CNTNAP4: variants seen among roughly 807,000 people sequenced by gnomAD.
The protein encoded by CNTNAP4 is contactin-associated protein-like 4.
CNTNAP4 carries 98 observed loss-of-function variants against 148.4 expected under a neutral mutation model. That is an observed-to-expected ratio of 0.66 (90% CI 0.56 to 0.78). The LOEUF (loss-of-function observed/expected upper bound fraction) is 0.78. Ranked by LOEUF, CNTNAP4 falls within the 30% of genes least tolerant of loss-of-function variation. The probability of loss-of-function intolerance (pLI) is 0.00; values close to 1 mark genes in which losing one functional copy is unlikely to be tolerated. For synonymous variants in CNTNAP4, 730 were observed against 565.1 expected, an observed-to-expected ratio of 1.29 and a Z score of -4.14; for missense variants, 1,935 against 1,565.6, an observed-to-expected ratio of 1.24 and a Z score of -3.98.
intron 3 of CNTNAP4, among the ~76,000 whole-genome samples, chr16:76,383,999 T>G (rs1319813411): frequency 2.0e-5 from 3 of 152,138 alleles, no homozygotes. Context: ...TCTCAGTTTT[T>G]TGTTTTGTTT....
intron 12 of CNTNAP4, among the ~76,000 whole-genome samples, chr16:76,483,409 G>A (rs1408920952): frequency 1.3e-5 from 2 of 152,080 alleles, no homozygotes; most frequent in South Asian, 4.1e-4. Flanking sequence ...GGTCACAACG[G>A]TCTCATTCAC....
At chr16:76,489,031 CATG>C (rs551529674) in intron 12 of CNTNAP4, among the ~76,000 whole-genome samples, 36 of 152,206 alleles carry the variant, frequency 2.4e-4, no homozygotes, top group African/African-American at 8.2e-4. Context: ...GTCCAGATCA[CATG>C]ATATCAAAAT....
At chr16:76,434,046 GCACA>G (rs1196485609) in intron 4 of CNTNAP4, among the ~76,000 whole-genome samples, 1 of 149,628 alleles carries the variant, frequency 6.7e-6, no homozygotes, top group African/African-American at 2.4e-5. Flanking sequence ...GTATATATAT[GCACA>G]CACACATATA....
rs1485302858 is a variant in CNTNAP4, at chr16:76,560,528, C to A, written c.*1845C>A. ...AAGCTGAGTGCAAACATCATTATAT[C>A]TCTGAATCTTTTGCAGATGTTCATG... On this transcript the variant is annotated 3_prime_UTR_variant, in exon 24 of 24. Coordinates refer to ENST00000611870, the MANE Select transcript of CNTNAP4 (RefSeq NM_033401.5). 6.6e-6 allele frequency among the ~76,000 whole-genome samples: 1 copy of A among 152,126 alleles called. No homozygotes were observed. The highest frequency in any genetic ancestry group is 1.5e-5 in the Non-Finnish European group (1 of 68,014).
At chr16:76,365,940 A>G (rs1597332355) in intron 3 of CNTNAP4, among the ~76,000 whole-genome samples, 1 of 152,208 alleles carries the variant, frequency 6.6e-6, no homozygotes, top group African/African-American at 2.4e-5. Flanking sequence ...ACTAGATTAG[A>G]TTGGAAGTTG....
At chr16:76,368,167 C>T (rs1309606990) in intron 3 of CNTNAP4, among the ~76,000 whole-genome samples, 1 of 152,106 alleles carries the variant, frequency 6.6e-6, no homozygotes, top group African/African-American at 2.4e-5. Flanking sequence ...TTCTCCTGCA[C>T]ATTCTTTGAG....
At chr16:76,359,750 C>A (rs562720817) in intron 3 of CNTNAP4, among the ~76,000 whole-genome samples, 1 of 152,162 alleles carries the variant, frequency 6.6e-6, no homozygotes, top group African/African-American at 2.4e-5. Context: ...GCTAAACTTT[C>A]TCCTCTCAGA....
At position 76,449,874 on chromosome 16, in the gene CNTNAP4, C is replaced by T. The variant is rs781391130; in HGVS notation, c.1071+16C>T. ...CATTGCTATGGTGAGAGTCTTTATG[C>T]GAAGACATTAGTAAAACTATATTTC... On this transcript the variant is annotated intron_variant, in intron 7 of 23. Coordinates refer to ENST00000611870, the MANE Select transcript of CNTNAP4 (RefSeq NM_033401.5). The T allele has an allele frequency of 5.7e-6, 9 of 1,582,856 alleles. No individual in the cohort carries two copies. The highest frequency in any genetic ancestry group is 1.4e-5 in the African/African-American group (1 of 73,568).
intron 3 of CNTNAP4, among the ~76,000 whole-genome samples, chr16:76,410,554 A>G (rs1053189357): frequency 6.6e-6 from 1 of 151,712 alleles, no homozygotes; most frequent in African/African-American, 2.4e-5. Flanking sequence ...CCAGTCTAAA[A>G]CAGTGTCCGC....
chr16:76,416,486 A>G (rs2078988167), intron 3 of CNTNAP4, among the ~76,000 whole-genome samples: 1 of 149,408 alleles, frequency 6.7e-6, no homozygotes, highest in Admixed American at 6.8e-5. Context: ...TAAACATTCT[A>G]GATAATTTCA....
chr16:76,546,729 C>A (rs1464804629), intron 21 of CNTNAP4, among the ~76,000 whole-genome samples: 3 of 152,114 alleles, frequency 2.0e-5, no homozygotes, highest in African/African-American at 7.2e-5. Flanking sequence ...GAAACTGGTC[C>A]CTGGTGCCAA....
intron 15 of CNTNAP4, among the ~76,000 whole-genome samples, chr16:76,501,133 TA>T (rs2082624361): frequency 6.6e-6 from 1 of 152,234 alleles, no homozygotes; most frequent in African/African-American, 2.4e-5. Flanking sequence ...CTCTGATATG[TA>T]TCACCTCTAC....
rs1273542131 is a variant in CNTNAP4, at chr16:76,559,210, A to G, written c.*527A>G. 2 of 152,160 alleles carry G rather than the reference A, an allele frequency of 1.3e-5. No individual in the cohort carries two copies. Among genetic ancestry groups the G allele is most frequent in the Non-Finnish European group, 2.9e-5 (2 of 68,034 alleles). 9.4% of individuals were successfully genotyped at this position (152,160 alleles called of 1,614,324 possible). A position where few individuals can be genotyped will look rare whatever the true frequency, so the allele number is the denominator to read the frequency against. On this transcript the variant is annotated 3_prime_UTR_variant, in exon 24 of 24. Transcript: ENST00000611870. The stretch of plus-strand genomic sequence containing the variant: ...TTTGCCTTTCTCTGTATTATATTCA[A>G]TACAATACATCAATAGTCTTGAAAA...
chr16:76,516,960 A>C (rs1315546191), intron 15 of CNTNAP4, among the ~76,000 whole-genome samples: 1 of 152,210 alleles, frequency 6.6e-6, no homozygotes, highest in African/African-American at 2.4e-5. Flanking sequence ...GCTACTCAGG[A>C]GGCTGAGGCA....
intron 15 of CNTNAP4, among the ~76,000 whole-genome samples, chr16:76,502,798 CTT>C (rs1008216813): frequency 1.4e-5 from 2 of 145,332 alleles, no homozygotes; most frequent in African/African-American, 2.5e-5. Flanking sequence ...GAGATTAACA[CTT>C]TTTTTTTTTA....
intron 8 of CNTNAP4, among the ~76,000 whole-genome samples, chr16:76,454,363 G>A (rs1175176201): frequency 2.0e-5 from 3 of 152,034 alleles, no homozygotes; most frequent in Non-Finnish European, 4.4e-5. Context: ...TTACAAGCAT[G>A]TATAGTTAAT....
Position 76,451,610 on chromosome 16 carries a change from T to G in CNTNAP4, c.1072-898T>G, listed in dbSNP as rs567703100. 1.1e-4 allele frequency among the ~76,000 whole-genome samples: 17 copies of G among 151,046 alleles called. No individual in the cohort carries two copies. In the South Asian group the frequency reaches 3.4e-3, roughly 30 times the overall value. On this transcript the variant is annotated intron_variant, in intron 7 of 23. Transcript: ENST00000611870. Reference sequence around the variant, plus strand: ...AATATTTTAGATAGATGTGTGTGTGTGTGTGTGTGTGTGTGTGTGTGTGTA... The same window carrying G: ...AATATTTTAGATAGATGTGTGTGTGGGTGTGTGTGTGTGTGTGTGTGTGTA...
chr16:76,299,982 C>A (rs1033119494), intron 1 of CNTNAP4, among the ~76,000 whole-genome samples: 3 of 151,798 alleles, frequency 2.0e-5, no homozygotes, highest in Non-Finnish European at 4.4e-5. Context: ...ACATTGCACA[C>A]TGGGGCCTGT....
intron 2 of CNTNAP4, among the ~76,000 whole-genome samples, chr16:76,346,812 A>T (rs966928274): frequency 6.6e-6 from 1 of 152,186 alleles, no homozygotes; most frequent in Non-Finnish European, 1.5e-5. Flanking sequence ...TACACAAATC[A>T]AAATGCCTGC....
Sources: gnomAD v4.1 joint callset for allele counts (sites outside exome capture counted in the v4.1 genomes callset) on GRCh38, gnomAD v4.1.1 for gene constraint, MANE v1.5 for transcripts, NCBI Gene and HGNC (gene_info 2026-07-23, HGNC 2026-07-21) for gene names.